PLD1: variants seen among roughly 807,000 people sequenced by gnomAD.
PLD1 encodes the protein phospholipase D1.
In PLD1, 112 loss-of-function variants were observed where a neutral mutation model predicts 137.1. The observed-to-expected ratio is 0.82, with a 90% CI of 0.70 to 0.96. The LOEUF (loss-of-function observed/expected upper bound fraction) is 0.96. Ranked by LOEUF, PLD1 falls within the 40% of genes least tolerant of loss-of-function variation. PLD1 has a pLI of 0.00. For synonymous variants in PLD1, 431 were observed against 454.7 expected (o/e 0.95, Z 0.66); for missense variants, 1,321 against 1,342.0 (o/e 0.98, Z 0.24).
At chr3:171,741,356 G>C (rs1276742485) in intron 1 of PLD1, among the ~76,000 whole-genome samples, 1 of 152,112 alleles carries the variant, frequency 6.6e-6, no homozygotes. Context: ...CCATTGTATT[G>C]TTGGTTTCAT....
In PLD1 at chr3:171,764,929, GAAAGGAAAGAAAGAAAGAAA is replaced by G. The variant is rs1721817230; in HGVS notation, c.-31-26867_-31-26848del. On this transcript the variant is annotated intron_variant, in intron 1 of 26. Transcript: ENST00000351298. ...GAAGGAAGGAAAGAAAGAAAGGAAA[GAAAGGAAAGAAAGAAAGAAA>G]GAAAGAAAGAAAGAAAGAAAGAAAG... Among the ~76,000 whole-genome samples the G allele has an allele frequency of 1.7e-3, 22 of 12,838 alleles. 2 individuals are homozygous for G. Among genetic ancestry groups the G allele is most frequent in the Middle Eastern group, 0.036 (1 of 28 alleles). 8.4% of individuals were successfully genotyped at this position (12,838 alleles called of 152,430 possible). A position where few individuals can be genotyped will look rare whatever the true frequency, so the allele number is the denominator to read the frequency against.
At chr3:171,689,906 G>C (rs1714977661) in intron 13 of PLD1, among the ~76,000 whole-genome samples, 1 of 152,166 alleles carries the variant, frequency 6.6e-6, no homozygotes, top group Non-Finnish European at 1.5e-5. Context: ...AGTGGTATCA[G>C]GGTAATGAGT....
At chr3:171,749,825 C>T (rs1332905175) in intron 1 of PLD1, among the ~76,000 whole-genome samples, 2 of 152,130 alleles carry the variant, frequency 1.3e-5, no homozygotes, top group Non-Finnish European at 2.9e-5. Flanking sequence ...CATAGGCTGA[C>T]GCTTGAACTA....
At chr3:171,685,684 CCTT>C (rs1295933117) in intron 16 of PLD1, among the ~76,000 whole-genome samples, 2 of 152,174 alleles carry the variant, frequency 1.3e-5, no homozygotes, top group South Asian at 4.1e-4. Flanking sequence ...GCGGCCAAAT[CCTT>C]CTTTATTCCC....
intron 1 of PLD1, among the ~76,000 whole-genome samples, chr3:171,802,016 T>C (rs568316481): frequency 2.6e-5 from 4 of 152,258 alleles, no homozygotes; most frequent in Non-Finnish European, 5.9e-5. Flanking sequence ...CAGCACTTTG[T>C]TCCAAATTGC....
intron 12 of PLD1, among the ~76,000 whole-genome samples, chr3:171,696,421 TA>T (rs1225629794): frequency 6.6e-6 from 1 of 152,180 alleles, no homozygotes; most frequent in East Asian, 1.9e-4. Context: ...ATCAGATACA[TA>T]AAATATTCTA....
chr3:171,799,337 TAAAAAAAAAAAAAAAA>T (rs758379833), intron 1 of PLD1, among the ~76,000 whole-genome samples: 3 of 57,886 alleles, frequency 5.2e-5, no homozygotes, highest in Non-Finnish European at 9.1e-5. Context: ...AGACTCCGTC[TAAAAAAAAAAAAAAAA>T]AAAAAAAAAG....
intron 9 of PLD1, among the ~76,000 whole-genome samples, chr3:171,710,254 G>A (rs1717064484): frequency 6.6e-6 from 1 of 151,956 alleles, no homozygotes; most frequent in African/African-American, 2.4e-5. Context: ...GTAGAGACGG[G>A]GTTTCACCGT....
At chr3:171,682,276 ATGAC>A (rs1249494285) in intron 16 of PLD1, among the ~76,000 whole-genome samples, 3 of 152,258 alleles carry the variant, frequency 2.0e-5, no homozygotes, top group African/African-American at 4.8e-5. Context: ...AATCTTGAAA[ATGAC>A]TGAGTGATTT....
chr3:171,621,433 T>C (rs1343294737), intron 23 of PLD1, among the ~76,000 whole-genome samples: 1 of 152,208 alleles, frequency 6.6e-6, no homozygotes, highest in Non-Finnish European at 1.5e-5. Flanking sequence ...TTTTTTTGTC[T>C]TTAAGAGAAT....
At chr3:171,784,475 GA>G (rs1404221865) in intron 1 of PLD1, among the ~76,000 whole-genome samples, 1 of 151,886 alleles carries the variant, frequency 6.6e-6, no homozygotes, top group East Asian at 1.9e-4. Context: ...AAGTACCCAG[GA>G]AAAAAAGTCC....
rs146946407 is a variant in PLD1, at chr3:171,662,325, G to T, written c.2230-155C>A. Among the ~76,000 whole-genome samples, 623 of 152,240 alleles carry T rather than the reference G, an allele frequency of 4.1e-3. 3 individuals are homozygous for T. The highest frequency in any genetic ancestry group is 0.014 in the African/African-American group (599 of 41,530). The stretch of plus-strand genomic sequence containing the variant: ...AACCAAAGGAGAGTAGTGGGGTGGG[G>T]AATGCTGCTAAGGAAGAGGGGAGAA... On this transcript the variant is annotated intron_variant, in intron 19 of 26. Transcript: ENST00000351298.
intron 1 of PLD1, among the ~76,000 whole-genome samples, chr3:171,776,397 A>T (rs1156292443): frequency 1.3e-5 from 2 of 152,236 alleles, no homozygotes; most frequent in Non-Finnish European, 2.9e-5. Context: ...AAGGCTAAGA[A>T]TTTGTTTCCT....
At chr3:171,693,306 C>T (rs1715383362) in intron 12 of PLD1, among the ~76,000 whole-genome samples, 1 of 152,146 alleles carries the variant, frequency 6.6e-6, no homozygotes, top group African/African-American at 2.4e-5. Flanking sequence ...GCACATTACC[C>T]ATCTCATCTG....
chr3:171,737,660 C>T lies in PLD1; in HGVS notation c.161-1G>A, dbSNP rs749297920. On this transcript the variant is annotated splice_acceptor_variant, in intron 2 of 26. Coordinates refer to ENST00000351298, the MANE Select transcript of PLD1 (RefSeq NM_002662.5). LOFTEE classifies it high-confidence loss of function. ...TAAATAGCAGAGAAAGGGATATACA[C>T]TAAAAAAAAAAGTAAATAAAGTTAA... The T allele has an allele frequency of 6.6e-7, 1 of 1,508,166 alleles. No homozygotes were observed. The allele number at this position is 1,508,166 out of a possible 1,614,324, so 93.4% of individuals were successfully genotyped here.
In PLD1 at chr3:171,602,785, G is replaced by C. The variant is rs1731917899; in HGVS notation, c.*293C>G. 2.9e-6 allele frequency: 1 copy of C among 346,888 alleles called. No homozygotes were observed. Among genetic ancestry groups the C allele is most frequent in the Non-Finnish European group, 5.3e-6 (1 of 189,232 alleles). 21.5% of individuals were successfully genotyped at this position (346,888 alleles called of 1,614,324 possible). A position where few individuals can be genotyped will look rare whatever the true frequency, so the allele number is the denominator to read the frequency against. Reference sequence around the variant, plus strand: ...TTACTGGTAAATTCTTGTTACAAAGGAAATGGATTTTGGTATACGGAATTT... The same window carrying C: ...TTACTGGTAAATTCTTGTTACAAAGCAAATGGATTTTGGTATACGGAATTT... On this transcript the variant is annotated 3_prime_UTR_variant, in exon 27 of 27. Coordinates refer to ENST00000351298, the MANE Select transcript of PLD1 (RefSeq NM_002662.5).
chr3:171,756,760 A>G (rs1721061441), intron 1 of PLD1, among the ~76,000 whole-genome samples: 1 of 152,210 alleles, frequency 6.6e-6, no homozygotes, highest in Admixed American at 6.5e-5. Flanking sequence ...AATAGTGGCA[A>G]AATTCATTAA....
At chr3:171,720,283 G>C (rs1327595626) in intron 8 of PLD1, among the ~76,000 whole-genome samples, 3 of 101,986 alleles carry the variant, frequency 2.9e-5, no homozygotes, top group African/African-American at 4.5e-5. Flanking sequence ...GACAAGGTGA[G>C]ACCCTGTCTC....
chr3:171,769,030 A>T (rs902273727), intron 1 of PLD1, among the ~76,000 whole-genome samples: 17 of 152,196 alleles, frequency 1.1e-4, no homozygotes, highest in African/African-American at 3.9e-4. Flanking sequence ...TTGCTTAGAC[A>T]CTTTACCCCA....
Sources: gnomAD v4.1 joint callset for allele counts (sites outside exome capture counted in the v4.1 genomes callset) on GRCh38, gnomAD v4.1.1 for gene constraint, MANE v1.5 for transcripts, NCBI Gene and HGNC (gene_info 2026-07-23, HGNC 2026-07-21) for gene names.